CADM2: variants seen among roughly 807,000 people sequenced by gnomAD.
CADM2 encodes cell adhesion molecule 2, also known as immunoglobulin superfamily member 4D.
In CADM2, 12 loss-of-function variants were observed where a neutral mutation model predicts 49.8. The observed-to-expected ratio is 0.24, with a 90% CI of 0.15 to 0.39. The LOEUF (loss-of-function observed/expected upper bound fraction) is 0.39, where lower values mean the gene tolerates loss of function less well. CADM2 is among the 10% of genes least tolerant of loss of function. The pLI is 1.00. For missense variants in CADM2, 378 were observed against 492.3 expected (o/e 0.77, Z 2.20); for synonymous variants, 214 against 175.4 (o/e 1.22, Z -1.74).
intron 1 of CADM2, among the ~76,000 whole-genome samples, chr3:85,019,475 C>A (rs899791859): frequency 2.6e-5 from 4 of 152,042 alleles, no homozygotes; most frequent in African/African-American, 9.7e-5. Context: ...AGAGTGAGAT[C>A]CTGTATGAAA....
intron 1 of CADM2, among the ~76,000 whole-genome samples, chr3:85,478,340 G>A (rs1047472833): frequency 3.3e-5 from 5 of 151,892 alleles, no homozygotes; most frequent in African/African-American, 1.2e-4. Context: ...AACTCTTTTT[G>A]CTGACCTGAT....
intron 1 of CADM2, among the ~76,000 whole-genome samples, chr3:84,990,668 G>T (rs1217529782): frequency 2.0e-5 from 3 of 151,940 alleles, no homozygotes; most frequent in African/African-American, 7.2e-5. Flanking sequence ...ACGAGTAGGA[G>T]GTTGTATCCA....
At chr3:84,964,768 A>G (rs932655383) in intron 1 of CADM2, among the ~76,000 whole-genome samples, 3 of 152,188 alleles carry the variant, frequency 2.0e-5, no homozygotes, top group African/African-American at 7.2e-5. Flanking sequence ...TCTTATCCTC[A>G]TTTTAGTAGA....
chr3:85,824,358 G>A (rs1159870591), intron 3 of CADM2, among the ~76,000 whole-genome samples: 2 of 152,072 alleles, frequency 1.3e-5, no homozygotes, highest in Non-Finnish European at 2.9e-5. Flanking sequence ...GCTTAAAATG[G>A]AAAACTTAGT....
Position 85,699,115 on chromosome 3 carries a change from A to G in CADM2, c.62-27407A>G, listed in dbSNP as rs559949202. Among the ~76,000 whole-genome samples, 6 of 152,276 alleles carry G rather than the reference A, an allele frequency of 3.9e-5. No individual in the cohort carries two copies. The East Asian group carries it at 1.2e-3, about 30-fold the overall frequency. On this transcript the variant is annotated intron_variant, in intron 1 of 9. Transcript: ENST00000383699. ...GACAGTGATTAAACTTTAATCTCCA[A>G]AATAATCTCCTTTGACTCCATGTCC...
intron 1 of CADM2, among the ~76,000 whole-genome samples, chr3:85,439,545 T>TA (rs762603196): frequency 2.0e-5 from 3 of 152,206 alleles, no homozygotes; most frequent in Non-Finnish European, 4.4e-5. Context: ...TTTTGTTTCA[T>TA]AAATTTTCTA....
At chr3:85,275,873 T>C (rs548309999) in intron 1 of CADM2, among the ~76,000 whole-genome samples, 3 of 151,352 alleles carry the variant, frequency 2.0e-5, no homozygotes, top group South Asian at 4.1e-4. Flanking sequence ...TTTTGACAAA[T>C]AGCACTTATT....
chr3:85,963,469 A>C lies in CADM2; in HGVS notation c.970+1822A>C, dbSNP rs142312153. Among the ~76,000 whole-genome samples the C allele has an allele frequency of 8.4e-4, 127 of 151,944 alleles. No homozygotes were observed. The South Asian group carries it at 9.5e-3, about 11-fold the overall frequency. On this transcript the variant is annotated intron_variant, in intron 8 of 9. Transcript: ENST00000383699. ...GTAGATTTCAGTTGATGCTCCCTGGATGTTTAGATCATGCAGTCATGTAAG... is the reference window on the plus strand; with the variant it reads ...GTAGATTTCAGTTGATGCTCCCTGGCTGTTTAGATCATGCAGTCATGTAAG...
chr3:85,137,881 C>A (rs2039463499), intron 1 of CADM2, among the ~76,000 whole-genome samples: 1 of 151,914 alleles, frequency 6.6e-6, no homozygotes, highest in Non-Finnish European at 1.5e-5. Flanking sequence ...ATGTATAAAA[C>A]TTTTAAATAT....
At chr3:85,815,516 G>A (rs961060922) in intron 3 of CADM2, among the ~76,000 whole-genome samples, 5 of 151,984 alleles carry the variant, frequency 3.3e-5, no homozygotes, top group African/African-American at 1.2e-4. Flanking sequence ...CTCAATAGAT[G>A]CAAAAAAGGT....
At chr3:85,839,833 T>C (rs1482013961) in intron 3 of CADM2, among the ~76,000 whole-genome samples, 1 of 151,896 alleles carries the variant, frequency 6.6e-6, no homozygotes, top group Non-Finnish European at 1.5e-5. Flanking sequence ...TCTTATAAAA[T>C]AGTTCATTCA....
At chr3:85,038,286 A>G (rs2035301120) in intron 1 of CADM2, among the ~76,000 whole-genome samples, 1 of 152,276 alleles carries the variant, frequency 6.6e-6, no homozygotes. Context: ...AAGGACACTT[A>G]TGCATACTAC....
chr3:85,721,865 CATTTGTTGGGTACTGA>C (rs1327484144), intron 1 of CADM2, among the ~76,000 whole-genome samples: 1 of 152,206 alleles, frequency 6.6e-6, no homozygotes, highest in Non-Finnish European at 1.5e-5. Flanking sequence ...CTTTTAGCCT[CATTTGTTGGGTACTGA>C]ATTCTTGCTC....
At chr3:85,872,024 C>A (rs1475196703) in intron 3 of CADM2, among the ~76,000 whole-genome samples, 1 of 152,160 alleles carries the variant, frequency 6.6e-6, no homozygotes, top group East Asian at 1.9e-4. Context: ...TTTATACAAT[C>A]TTTCTTTCAT....
intron 1 of CADM2, among the ~76,000 whole-genome samples, chr3:85,070,734 T>C (rs986806982): frequency 6.6e-6 from 1 of 152,118 alleles, no homozygotes; most frequent in Non-Finnish European, 1.5e-5. Context: ...GGATCACGCC[T>C]GTAATTACAG....
chr3:86,046,320 T>A (rs907346368), intron 8 of CADM2, among the ~76,000 whole-genome samples: 1 of 152,202 alleles, frequency 6.6e-6, no homozygotes, highest in African/African-American at 2.4e-5. Flanking sequence ...TAAAAACACG[T>A]AGTATCTATA....
At chr3:85,930,054 G>T (rs73132635) in intron 6 of CADM2, among the ~76,000 whole-genome samples, 1,669 of 152,040 alleles carry the variant, frequency 0.011, 11 homozygotes, top group Non-Finnish European at 0.018. Context: ...TACTAAAATG[G>T]CATGTTTAAA....
rs1371935419 is a variant in CADM2, at chr3:85,336,025, G to A, written c.61+376357G>A. ...ACTGAAAGAAACCGTGAACATATTG[G>A]TCCTGTGAACCCCCTGCCCAAAATA... On this transcript the variant is annotated intron_variant, in intron 1 of 9. Coordinates refer to ENST00000383699, the MANE Select transcript of CADM2 (RefSeq NM_001167675.2). Among the ~76,000 whole-genome samples, 3 of 151,380 alleles carry A rather than the reference G, an allele frequency of 2.0e-5. No individual in the cohort carries two copies. The East Asian group carries it at 5.8e-4, about 29-fold the overall frequency.
At chr3:85,378,396 C>T (rs1419052615) in intron 1 of CADM2, among the ~76,000 whole-genome samples, 1 of 151,986 alleles carries the variant, frequency 6.6e-6, no homozygotes, top group Non-Finnish European at 1.5e-5. Flanking sequence ...AGAGATCTTC[C>T]ACCCTTGTCT....
Sources: gnomAD v4.1 joint callset for allele counts (sites outside exome capture counted in the v4.1 genomes callset) on GRCh38, gnomAD v4.1.1 for gene constraint, MANE v1.5 for transcripts, NCBI Gene and HGNC (gene_info 2026-07-23, HGNC 2026-07-21) for gene names.